Variants in RAB27A observed in about 807,000 individuals in gnomAD.
RAB27A encodes the protein RAB27A, member RAS oncogene family.
In RAB27A, 17 loss-of-function variants were observed where a neutral mutation model predicts 20.8. The observed-to-expected ratio is 0.82, with a 90% confidence interval of 0.56 to 1.23. The LOEUF is 1.23. Among genes scored for constraint, RAB27A ranks in the 50% most tolerant of loss-of-function variants. RAB27A has a pLI of 0.00. For synonymous variants in RAB27A, 85 were observed against 92.8 expected, an observed-to-expected ratio of 0.92 and a Z score of 0.48; for missense variants, 277 against 266.7, an observed-to-expected ratio of 1.04 and a Z score of -0.27.
chr15:55,280,682 G>A (rs768866501), intron 1 of RAB27A, among the ~76,000 whole-genome samples: 31 of 150,318 alleles, frequency 2.1e-4, no homozygotes, highest in Non-Finnish European at 3.4e-4. Context: ...GAGAGGCCCC[G>A]GTGTGTGATG....
intron 1 of RAB27A, among the ~76,000 whole-genome samples, chr15:55,276,447 G>A (rs1055892824): frequency 6.6e-6 from 1 of 152,094 alleles, no homozygotes; most frequent in Non-Finnish European, 1.5e-5. Flanking sequence ...GGCCACTCCT[G>A]TAGCCCCAGC....
At chr15:55,205,826 C>T (rs961086997) in intron 6 of RAB27A, 121 bp from the exon 7 acceptor site, 1 of 933,430 alleles carries the variant, frequency 1.1e-6, no homozygotes, top group Non-Finnish European at 1.7e-6. Flanking sequence ...AAACATTTTA[C>T]CACCCCAGAG....
chr15:55,219,118 T>C (rs1895448367), intron 6 of RAB27A, among the ~76,000 whole-genome samples: 1 of 152,136 alleles, frequency 6.6e-6, no homozygotes, highest in Non-Finnish European at 1.5e-5. Flanking sequence ...CCACCAACTA[T>C]CCTCTGTGAA....
chr15:55,238,829 A>G (rs1421255956), intron 2 of RAB27A, among the ~76,000 whole-genome samples: 1 of 140,384 alleles, frequency 7.1e-6, no homozygotes, highest in Non-Finnish European at 1.5e-5. Context: ...GTTTACTTCA[A>G]AAGAGTTCTG....
intron 1 of RAB27A, among the ~76,000 whole-genome samples, chr15:55,273,417 A>AT (rs1897765456): frequency 6.6e-6 from 1 of 150,700 alleles, no homozygotes; most frequent in African/African-American, 2.4e-5. Context: ...TCAAAAAAAA[A>AT]AAAATAAAAA....
chr15:55,281,325 G>A (rs1178899486), intron 1 of RAB27A, among the ~76,000 whole-genome samples: 1 of 152,144 alleles, frequency 6.6e-6, no homozygotes, highest in Admixed American at 6.5e-5. Flanking sequence ...CTTCCGAAAG[G>A]AAGCATACAC....
At chr15:55,297,047 C>A (rs2054952396) in intron 2 of RAB27A, among the ~76,000 whole-genome samples, 1 of 152,206 alleles carries the variant, frequency 6.6e-6, no homozygotes, top group South Asian at 2.1e-4. Context: ...TAGCAAGCCA[C>A]AAATGCATCC....
At chr15:55,227,383 C>T (rs1395961212) in intron 5 of RAB27A, among the ~76,000 whole-genome samples, 3 of 152,130 alleles carry the variant, frequency 2.0e-5, no homozygotes, top group Admixed American at 6.6e-5. Flanking sequence ...ATGATGAACA[C>T]GGGCTGAGAG....
At chr15:55,272,323 C>T (rs954338595) in intron 1 of RAB27A, among the ~76,000 whole-genome samples, 3 of 152,208 alleles carry the variant, frequency 2.0e-5, no homozygotes, top group Middle Eastern at 3.4e-3. Context: ...GCCGTGAACC[C>T]GGGAGGCGGA....
intron 5 of RAB27A, among the ~76,000 whole-genome samples, chr15:55,226,869 CAAAA>C (rs574861809): frequency 3.2e-5 from 2 of 63,346 alleles, no homozygotes; most frequent in Admixed American, 1.8e-4. Flanking sequence ...AACTCCATCT[CAAAA>C]AAAAAAAAAA....
At chr15:55,240,487 C>T (rs572172198) in intron 2 of RAB27A, among the ~76,000 whole-genome samples, 5 of 152,274 alleles carry the variant, frequency 3.3e-5, no homozygotes, top group African/African-American at 9.6e-5. Context: ...TATACACTGT[C>T]TCCCTCAGAA....
chr15:55,301,560 T>C (rs1292077840), intron 2 of RAB27A, among the ~76,000 whole-genome samples: 2 of 152,042 alleles, frequency 1.3e-5, no homozygotes, highest in African/African-American at 4.8e-5. Flanking sequence ...TAAAAGTGTA[T>C]GATTTGGTGG....
At chr15:55,208,686 C>T (rs952492336) in intron 6 of RAB27A, among the ~76,000 whole-genome samples, 7 of 152,124 alleles carry the variant, frequency 4.6e-5, no homozygotes, top group Non-Finnish European at 1.0e-4. Flanking sequence ...CCTCGTGTCT[C>T]ATTGGTCAAA....
intron 2 of RAB27A, among the ~76,000 whole-genome samples, chr15:55,263,711 C>T (rs1897356916): frequency 6.6e-6 from 1 of 152,280 alleles, no homozygotes; most frequent in South Asian, 2.1e-4. Flanking sequence ...AAGCCGAACC[C>T]AAATTTCTGA....
intron 1 of RAB27A, among the ~76,000 whole-genome samples, chr15:55,279,247 CA>C (rs1222065402): frequency 6.6e-6 from 1 of 152,166 alleles, no homozygotes; most frequent in Non-Finnish European, 1.5e-5. Flanking sequence ...CCTGTGACCA[CA>C]AAACACAGGA....
At chr15:55,318,469 C>G (rs1438232259) in intron 1 of RAB27A, among the ~76,000 whole-genome samples, 4 of 148,242 alleles carry the variant, frequency 2.7e-5, no homozygotes, top group African/African-American at 9.8e-5. Context: ...CTTTGGGAGG[C>G]CGAGGCGGGC....
At position 55,222,263 on chromosome 15, in the gene RAB27A, G is replaced by C. The variant is rs561730989; in HGVS notation, c.467+1626C>G. Among the ~76,000 whole-genome samples the C allele has an allele frequency of 2.0e-5, 3 of 152,280 alleles. 1 individual carries two copies. Among genetic ancestry groups the C allele is most frequent in the African/African-American group, 7.2e-5 (3 of 41,558 alleles). On this transcript the variant is annotated intron_variant, in intron 6 of 6. Coordinates refer to ENST00000336787, the MANE Select transcript of RAB27A (RefSeq NM_183235.3). ...AGGGTAAAAACCTCTACATGCAATTGCAAATCCTTGCCAGAGTAAGCCTAT... is the reference window on the plus strand; with the variant it reads ...AGGGTAAAAACCTCTACATGCAATTCCAAATCCTTGCCAGAGTAAGCCTAT...
intron 2 of RAB27A, among the ~76,000 whole-genome samples, chr15:55,307,839 T>C (rs535518644): frequency 4.9e-4 from 75 of 151,688 alleles, no homozygotes; most frequent in African/African-American, 1.8e-3. Flanking sequence ...AGGCCCTGAC[T>C]ATCTGCTTGA....
At chr15:55,215,117 T>A (rs879536111) in intron 6 of RAB27A, among the ~76,000 whole-genome samples, 34 of 152,308 alleles carry the variant, frequency 2.2e-4, no homozygotes, top group Non-Finnish European at 3.5e-4. Flanking sequence ...AACAGTAAGC[T>A]TTTTTAAAAT....
Sources: gnomAD v4.1 joint callset for allele counts (sites outside exome capture counted in the v4.1 genomes callset) on GRCh38, gnomAD v4.1.1 for gene constraint, MANE v1.5 for transcripts, NCBI Gene and HGNC (gene_info 2026-07-23, HGNC 2026-07-21) for gene names.